DLG1: variants seen among roughly 807,000 people sequenced by gnomAD.
DLG1 encodes discs large MAGUK scaffold protein 1.
Under a neutral mutation model 123.4 loss-of-function variants are expected in DLG1, and 42 were observed. That is an observed-to-expected ratio of 0.34 (90% CI 0.27 to 0.44). The LOEUF (loss-of-function observed/expected upper bound fraction) is 0.44, where lower values mean the gene tolerates loss of function less well. Among genes scored for constraint, DLG1 ranks in the 20% least tolerant of loss-of-function variants. The pLI is 1.00. For synonymous variants in DLG1, 317 were observed against 356.2 expected (o/e 0.89, Z 1.24); for missense variants, 942 against 1,082.6 (o/e 0.87, Z 1.82).
chr3:197,111,725 C>T (rs1770130290), intron 13 of DLG1, among the ~76,000 whole-genome samples: 1 of 152,242 alleles, frequency 6.6e-6, no homozygotes, highest in South Asian at 2.1e-4. Flanking sequence ...TTCTGACTTA[C>T]AGCACCACAA....
chr3:197,071,773 AAC>A (rs1251187654), intron 18 of DLG1, among the ~76,000 whole-genome samples: 2 of 152,192 alleles, frequency 1.3e-5, no homozygotes, highest in Non-Finnish European at 2.9e-5. Context: ...CTAAAATGAA[AAC>A]ACAAAACAGA....
At chr3:197,059,635 A>ACTAGTCACTATTTACACTAGTCACG (rs972163225) in intron 23 of DLG1, among the ~76,000 whole-genome samples, 2 of 152,238 alleles carry the variant, frequency 1.3e-5, no homozygotes, top group African/African-American at 4.8e-5. Flanking sequence ...TTCAGTAGCC[A>ACTAGTCACTATTTACACTAGTCACG]CTAGTCACAC....
intron 5 of DLG1, among the ~76,000 whole-genome samples, chr3:197,191,632 T>C (rs1719621035): frequency 6.6e-6 from 1 of 152,054 alleles, no homozygotes; most frequent in African/African-American, 2.4e-5. Flanking sequence ...AAATAATAAA[T>C]AAATTAGATT....
rs73210540 is a variant in DLG1 at position 197,195,964 on chromosome 3, A to T, written c.319-1375T>A. 4.5e-3 allele frequency among the ~76,000 whole-genome samples: 685 copies of T among 152,206 alleles called. 1 individual carries two copies. Among genetic ancestry groups the T allele is most frequent in the Non-Finnish European group, 8.3e-3 (565 of 68,000 alleles). On this transcript the variant is annotated intron_variant, in intron 4 of 24. Transcript: ENST00000667157. The stretch of plus-strand genomic sequence containing the variant: ...GAGAAAAAAAAAATACAGCATCAGC[A>T]TTCAGAGAAATGGGCATCCATCATC...
rs541605137 is a variant in DLG1, at chr3:197,188,955, C to T, written c.483+5470G>A. Among the ~76,000 whole-genome samples, 7 of 152,338 alleles carry T rather than the reference C, an allele frequency of 4.6e-5. No homozygotes were observed. In the East Asian group the frequency reaches 1.3e-3, roughly 29 times the overall value. ...ATGCTCACCTGCTCCAAATCTATTA[C>T]ACCCCTCAAATAATTATTTTACGTG... On this transcript the variant is annotated intron_variant, in intron 5 of 24. Coordinates refer to ENST00000667157, the MANE Select transcript of DLG1 (RefSeq NM_001366207.1).
chr3:197,125,451 G>C (rs1214125032), intron 11 of DLG1, among the ~76,000 whole-genome samples: 2 of 152,106 alleles, frequency 1.3e-5, no homozygotes, highest in Non-Finnish European at 2.9e-5. Flanking sequence ...GCAATGAAGT[G>C]AACATGAGAA....
intron 1 of DLG1, chr3:197,297,628 C>A (rs932019629): frequency 2.5e-5 from 25 of 1,000,100 alleles, no homozygotes; most frequent in Non-Finnish European, 2.9e-5. Flanking sequence ...AGGGGACCAG[C>A]GGGACTGGCC....
intron 4 of DLG1, among the ~76,000 whole-genome samples, chr3:197,206,568 T>C (rs1378257960): frequency 6.6e-6 from 1 of 152,182 alleles, no homozygotes; most frequent in African/African-American, 2.4e-5. Flanking sequence ...CCCAAAGTGT[T>C]AGGATTACAG....
chr3:197,236,827 G>A (rs1371336107), intron 4 of DLG1, among the ~76,000 whole-genome samples: 2 of 152,154 alleles, frequency 1.3e-5, no homozygotes, highest in Non-Finnish European at 2.9e-5. Context: ...AACATTTGCT[G>A]TTTTATTCAA....
chr3:197,246,565 G>C (rs1554045441), intron 4 of DLG1, among the ~76,000 whole-genome samples: 1 of 152,158 alleles, frequency 6.6e-6, no homozygotes, highest in Non-Finnish European at 1.5e-5. Context: ...AGCTGTAATA[G>C]ACTGAATAAA....
intron 5 of DLG1, among the ~76,000 whole-genome samples, chr3:197,172,779 G>A (rs549899680): frequency 1.6e-4 from 25 of 152,276 alleles, no homozygotes; most frequent in Middle Eastern, 3.4e-3. Context: ...GTTTCAAAAT[G>A]TAAAAAATTG....
rs537516633 is a variant in DLG1 at position 197,201,079 on chromosome 3, T to C, written c.319-6490A>G. Among the ~76,000 whole-genome samples, 17 of 152,290 alleles carry C rather than the reference T, an allele frequency of 1.1e-4. 1 individual carries two copies. Among genetic ancestry groups the C allele is most frequent in the African/African-American group, 4.1e-4 (17 of 41,566 alleles). On this transcript the variant is annotated intron_variant, in intron 4 of 24. Transcript: ENST00000667157. ...TTTGCTGATGACATCATCTTTTATC[T>C]AAAAAACTCTAAAGACTCCACCGGC... is the stretch of plus-strand genomic sequence containing the variant.
intron 16 of DLG1, among the ~76,000 whole-genome samples, chr3:197,084,595 C>G (rs1236171920): frequency 6.6e-6 from 1 of 151,964 alleles, no homozygotes; most frequent in East Asian, 1.9e-4. Flanking sequence ...CAGGTGTGAG[C>G]CACTGCACCT....
chr3:197,288,875 T>C (rs1283329898), intron 3 of DLG1, among the ~76,000 whole-genome samples: 2 of 151,998 alleles, frequency 1.3e-5, no homozygotes, highest in Non-Finnish European at 2.9e-5. Flanking sequence ...TTCACACTTA[T>C]ACAAATACAA....
At chr3:197,127,438 AAAAAAAAAAAAAAAAAAAAATATATATAT>A (rs1230787134) in intron 11 of DLG1, among the ~76,000 whole-genome samples, 2 of 44,524 alleles carry the variant, frequency 4.5e-5, no homozygotes, top group African/African-American at 2.1e-4. Context: ...AAAAAAAAAA[AAAAAAAAAAAAAAAAAAAAATATATATAT>A]ATATATATAT....
chr3:197,130,140 T>A (rs1257175572), intron 11 of DLG1, among the ~76,000 whole-genome samples: 1 of 152,056 alleles, frequency 6.6e-6, no homozygotes, highest in African/African-American at 2.4e-5. Flanking sequence ...CAAAGCCCAA[T>A]AAAATGAGGT....
At chr3:197,253,912 T>C (rs1048479391) in intron 4 of DLG1, among the ~76,000 whole-genome samples, 1 of 151,554 alleles carries the variant, frequency 6.6e-6, no homozygotes, top group Non-Finnish European at 1.5e-5. Flanking sequence ...AACCCAAAAT[T>C]AAAGGTTTAA....
chr3:197,124,209 C>T (rs980166406), intron 11 of DLG1, among the ~76,000 whole-genome samples: 36 of 152,216 alleles, frequency 2.4e-4, no homozygotes, highest in Admixed American at 1.8e-3. Flanking sequence ...GCAGCCTGAG[C>T]AGCTGAGTGA....
At chr3:197,175,497 C>T (rs1409513003) in intron 5 of DLG1, among the ~76,000 whole-genome samples, 2 of 152,140 alleles carry the variant, frequency 1.3e-5, no homozygotes, top group East Asian at 3.8e-4. Context: ...AATCTGGTAA[C>T]ATAGACTTGC....
Sources: gnomAD v4.1 joint callset for allele counts (sites outside exome capture counted in the v4.1 genomes callset) on GRCh38, gnomAD v4.1.1 for gene constraint, MANE v1.5 for transcripts, NCBI Gene and HGNC (gene_info 2026-07-23, HGNC 2026-07-21) for gene names.